Variants in TTI2 observed in about 807,000 individuals in gnomAD.
TTI2 encodes the protein TELO2 interacting protein 2.
In TTI2, 26 loss-of-function variants were observed where a neutral mutation model predicts 44.9. That is an observed-to-expected ratio of 0.58 (90% CI 0.42 to 0.80). TTI2 has a LOEUF of 0.80. Among genes scored for constraint, TTI2 ranks in the 30% least tolerant of loss-of-function variants. The probability of loss-of-function intolerance (pLI) is 0.00; values close to 1 mark genes in which losing one functional copy is unlikely to be tolerated. For missense variants in TTI2, 582 were observed against 611.6 expected (o/e 0.95, Z 0.51); for synonymous variants, 254 against 250.9 (o/e 1.01, Z -0.12).
Position 33,498,997 on chromosome 8 carries a change from A to AT in TTI2, c.*175dup. 1 of 623,662 alleles carries AT rather than the reference A, an allele frequency of 1.6e-6. No homozygotes were observed. Among genetic ancestry groups the AT allele is most frequent in the South Asian group, 2.0e-5 (1 of 50,152 alleles). The allele number at this position is 623,662 out of a possible 1,614,324, so 38.6% of individuals were successfully genotyped here. A position where few individuals can be genotyped will look rare whatever the true frequency, so the allele number is the denominator to read the frequency against. ...TTTATTTAGAAATGGAAGGAGTTCAATTTTTTCTTGTTCTACTTTCCCTAT... is the reference window on the plus strand; with the variant it reads ...TTTATTTAGAAATGGAAGGAGTTCAATTTTTTTCTTGTTCTACTTTCCCTAT... On this transcript the variant is annotated 3_prime_UTR_variant, in exon 8 of 8. Coordinates refer to ENST00000431156, the MANE Select transcript of TTI2 (RefSeq NM_001102401.4).
chr8:33,501,361 G>A (rs1809072469), intron 6 of TTI2: 1 of 151,790 alleles, frequency 6.6e-6, no homozygotes, highest in South Asian at 2.1e-4. Flanking sequence ...ACTTATAATC[G>A]GCTCTGTTTT....
chr8:33,500,399 T>TA lies in TTI2; in HGVS notation c.1350dup (p.Lys451Ter), dbSNP rs758541435. 2.4e-5 allele frequency: 39 copies of TA among 1,614,062 alleles called. No individual in the cohort carries two copies. The African/African-American group carries it at 4.5e-4, about 19-fold the overall frequency. On this transcript the variant is annotated frameshift_variant, in exon 7 of 8. Coordinates refer to ENST00000431156, the MANE Select transcript of TTI2 (RefSeq NM_001102401.4). LOFTEE classifies it high-confidence loss of function. ...GTGGCCTCCTGTAGCAGGGCGCTCT[T>TA]AACAGACTCAGGTGTAAGGTTTGGA...
rs759324778 is a variant in TTI2 at position 33,503,755 on chromosome 8, C to T, written c.1108G>A (p.Val370Met). The change falls in exon 5 of 8, where the codon GTG becomes ATG. Residue 370 changes from valine to methionine, a missense_variant. Val to Met is a conservative substitution (Grantham distance 21, BLOSUM62 1). Coordinates refer to ENST00000431156, the MANE Select transcript of TTI2 (RefSeq NM_001102401.4). ...RTYARNLPAF[V>M]NRLGILTVRH... ...AAAAGCCCAGGGCCTCACCTGTTCA[C>T]GAAAGCCGGCAGGTTTCTTGCGTAG... 8.7e-6 allele frequency: 14 copies of T among 1,613,432 alleles called. No individual in the cohort carries two copies. The highest frequency in any genetic ancestry group is 3.3e-5 in the South Asian group (3 of 91,040).
chr8:33,499,062 G>T lies in TTI2; in HGVS notation c.*111C>A. 1.1e-6 allele frequency: 1 copy of T among 899,040 alleles called. No homozygotes were observed. 55.7% of individuals were successfully genotyped at this position (899,040 alleles called of 1,614,324 possible). On this transcript the variant is annotated 3_prime_UTR_variant, in exon 8 of 8. Coordinates refer to ENST00000431156, the MANE Select transcript of TTI2 (RefSeq NM_001102401.4). ...AAGGAAAGGAAGGAAGGAAAAAGCA[G>T]CTTTCACTTACAAAGTTTCGTGTAA...
At position 33,507,318 on chromosome 8, in the gene TTI2, C is replaced by T. The variant is rs1293183685; in HGVS notation, c.838G>A (p.Ala280Thr). The T allele has an allele frequency of 6.2e-7, 1 of 1,614,078 alleles. No individual in the cohort carries two copies. The highest frequency in any genetic ancestry group is 1.1e-5 in the South Asian group (1 of 91,074). Residue 280 changes from alanine (A) to threonine (T), a missense_variant, in exon 4 of 8, where the codon GCT becomes ACT. Transcript: ENST00000431156. ...CTGTTATACTGGAGCAAATCAGCAG[C>T]TGGCTGCAACCAGACAAATCGTCAA... The part of the protein sequence containing the change: ...CLHHIVLNVP[A>T]ADLLQYNRAQ...
rs1809552776 is a variant in TTI2, at chr8:33,512,086, G to C, written c.528C>G (p.Leu176=). ...ATTCAGTAACTTGAAGCAGTGAGGT[G>C]AGCACCTCCCTAGCAACTTCCCGAG... ...PRSREVAREV[L]TSLLQVTECG... The change falls in exon 2 of 8, where the codon CTC becomes CTG. Residue 176 remains leucine, a synonymous_variant. Transcript: ENST00000431156. The C allele has an allele frequency of 6.2e-7, 1 of 1,614,012 alleles. No individual in the cohort carries two copies. The highest frequency in any genetic ancestry group is 2.2e-5 in the East Asian group (1 of 44,856).
At chr8:33,506,247 C>A (rs561099624) in intron 4 of TTI2, among the ~76,000 whole-genome samples, 1 of 152,302 alleles carries the variant, frequency 6.6e-6, no homozygotes, top group East Asian at 1.9e-4. Flanking sequence ...GGAACCATGT[C>A]TGTTGGATGA....
Position 33,509,950 on chromosome 8 carries a change from ATT to A in TTI2, c.648-20_648-19del. 1 of 1,396,826 alleles carries A rather than the reference ATT, an allele frequency of 7.2e-7. No individual in the cohort carries two copies. The allele number at this position is 1,396,826 out of a possible 1,614,324, so 86.5% of individuals were successfully genotyped here. On this transcript the variant is annotated intron_variant, in intron 2 of 7. Coordinates refer to ENST00000431156, the MANE Select transcript of TTI2 (RefSeq NM_001102401.4). The stretch of plus-strand genomic sequence containing the variant: ...AGGATTCCCTAAGTGAATACATAGA[ATT>A]ACATTAAGTGACATGGTGATAAGTA...
intron 6 of TTI2, among the ~76,000 whole-genome samples, chr8:33,501,963 A>G (rs1809096622): frequency 6.6e-6 from 1 of 151,990 alleles, no homozygotes; most frequent in Non-Finnish European, 1.5e-5. Flanking sequence ...TTATATTTTG[A>G]GACAGAGTCT....
At chr8:33,507,376 G>A in intron 3 of TTI2, 55 bp from the exon 4 acceptor site, 3 of 1,480,162 alleles carry the variant, frequency 2.0e-6, no homozygotes, top group Non-Finnish European at 2.8e-6. Flanking sequence ...ATTGGCACAT[G>A]TTGACTATCT....
Position 33,507,324 on chromosome 8 carries a change from G to A in TTI2, c.835-3C>T. 6.2e-7 allele frequency: 1 copy of A among 1,613,898 alleles called. No homozygotes were observed. The highest frequency in any genetic ancestry group is 1.1e-5 in the South Asian group (1 of 91,068). On this transcript the variant is annotated splice_region_variant and splice_polypyrimidine_tract_variant and intron_variant, in intron 3 of 7. Transcript: ENST00000431156. ...TACTGGAGCAAATCAGCAGCTGGCT[G>A]CAACCAGACAAATCGTCAAATTAAA...
rs570430368 is a variant in TTI2, at chr8:33,503,294, C to T, written c.1259+135G>A. On this transcript the variant is annotated intron_variant, in intron 6 of 7. Coordinates refer to ENST00000431156, the MANE Select transcript of TTI2 (RefSeq NM_001102401.4). ...AATGCCATTTTCTCAGTTTAAAATCCTATAGGTGTGTGAAAATGGGAGGTA... is the reference window on the plus strand; with the variant it reads ...AATGCCATTTTCTCAGTTTAAAATCTTATAGGTGTGTGAAAATGGGAGGTA... 1.2e-5 allele frequency: 15 copies of T among 1,268,792 alleles called. No homozygotes were observed. The East Asian group carries it at 3.5e-4, about 30-fold the overall frequency. 78.6% of individuals were successfully genotyped at this position (1,268,792 alleles called of 1,614,324 possible).
At chr8:33,501,268 G>T (rs1809069139) in intron 6 of TTI2, 1 of 152,202 alleles carries the variant, frequency 6.6e-6, no homozygotes, top group Non-Finnish European at 1.5e-5. Flanking sequence ...ACAGATGCGT[G>T]ACTGGGAGAA....
rs538175442 is a variant in TTI2, at chr8:33,501,962, G to C, written c.1259+1467C>G. On this transcript the variant is annotated intron_variant, in intron 6 of 7. Transcript: ENST00000431156. ...TTTTTATTATTTTTTTTTATATTTT[G>C]AGACAGAGTCTCGCTCCGTCACCCA... 9.9e-5 allele frequency among the ~76,000 whole-genome samples: 15 copies of C among 151,150 alleles called. 1 individual carries two copies. Among genetic ancestry groups the C allele is most frequent in the African/African-American group, 3.6e-4 (15 of 41,116 alleles).
In TTI2 at chr8:33,512,723, A is replaced by G; in HGVS notation, c.-99-11T>C. ...ATCACCCAAAGAGAACTAAAATCAA[A>G]TAAAATAAAACAGAGAGATGTCTTG... On this transcript the variant is annotated splice_polypyrimidine_tract_variant and intron_variant, in intron 1 of 7. Transcript: ENST00000431156. 7.8e-7 allele frequency: 1 copy of G among 1,275,806 alleles called. No individual in the cohort carries two copies. Among genetic ancestry groups the G allele is most frequent in the Non-Finnish European group, 1.1e-6 (1 of 923,012 alleles). The allele number at this position is 1,275,806 out of a possible 1,614,324, so 79.0% of individuals were successfully genotyped here.
At chr8:33,508,756 T>G (rs1342458537) in intron 3 of TTI2, among the ~76,000 whole-genome samples, 1 of 152,086 alleles carries the variant, frequency 6.6e-6, no homozygotes, top group Non-Finnish European at 1.5e-5. Flanking sequence ...GTACAAAGTT[T>G]TTTTAAAAAA....
At chr8:33,507,102 G>A (rs946709126) in intron 4 of TTI2, 127 bp downstream of exon 4, 5 of 822,806 alleles carry the variant, frequency 6.1e-6, no homozygotes, top group South Asian at 1.5e-5. Flanking sequence ...ACTTGGCAAC[G>A]CTTTTAGTTA....
intron 6 of TTI2, among the ~76,000 whole-genome samples, chr8:33,502,847 A>G (rs1809139759): frequency 6.7e-6 from 1 of 150,300 alleles, no homozygotes; most frequent in African/African-American, 2.5e-5. Context: ...CAAAAACAAA[A>G]GGCTGGGCAT....
intron 7 of TTI2, 78 bp downstream of exon 7, chr8:33,500,250 A>G (rs1809017180): frequency 1.9e-6 from 3 of 1,561,438 alleles, no homozygotes; most frequent in Non-Finnish European, 2.6e-6. Flanking sequence ...AGGCACATAC[A>G]TAGTAAATTA....
Sources: allele counts gnomAD v4.1 joint callset (sites outside exome capture counted in the v4.1 genomes callset), GRCh38; gene constraint gnomAD v4.1.1; transcripts MANE v1.5; gene names NCBI Gene and HGNC (gene_info 2026-07-23, HGNC 2026-07-21).